Variants in CFAP47 observed in about 807,000 individuals in gnomAD.
The protein encoded by CFAP47 is cilia and flagella associated protein 47, also known as cilia- and flagella-associated protein 47.
In CFAP47, 29 loss-of-function variants were observed where a neutral mutation model predicts 148.1. The ratio of observed to expected loss-of-function variants is 0.20; its 90% CI spans 0.15 to 0.27. CFAP47 has a LOEUF of 0.27. Ranked by LOEUF, CFAP47 falls within the 10% of genes least tolerant of loss-of-function variation. The pLI is 1.00. For synonymous variants in CFAP47, 664 were observed against 577.3 expected (o/e 1.15, Z -2.15); for missense variants, 1,872 against 1,697.5 (o/e 1.10, Z -1.81).
intron 35 of CFAP47, among the ~76,000 whole-genome samples, chrX:36,144,008 G>A (rs986891459): frequency 1.8e-5 from 2 of 111,148 alleles, no homozygotes; most frequent in Non-Finnish European, 3.8e-5. Context: ...TTTCTTATGC[G>A]TGACCCAAAT....
At chrX:36,119,366 T>C (rs1938700143) in intron 33 of CFAP47, among the ~76,000 whole-genome samples, 1 of 112,325 alleles carries the variant, frequency 8.9e-6, no homozygotes, top group African/African-American at 3.2e-5. Context: ...TCACATTTGT[T>C]GATTTGCATA....
At chrX:36,266,232 C>T (rs781950979) in intron 49 of CFAP47, among the ~76,000 whole-genome samples, 21 of 110,496 alleles carry the variant, frequency 1.9e-4, no homozygotes, top group Non-Finnish European at 2.8e-4. Context: ...GTGACAGGCT[C>T]TTCAGCAGGG....
intron 42 of CFAP47, among the ~76,000 whole-genome samples, chrX:36,196,706 T>C (rs1328655372): frequency 9.0e-6 from 1 of 111,577 alleles, no homozygotes; most frequent in African/African-American, 3.3e-5. Flanking sequence ...AAATATCTTC[T>C]GTAAAAGTTT....
At chrX:36,144,800 G>A (rs1438484181) in intron 35 of CFAP47, 2 of 1,023,752 alleles carry the variant, frequency 2.0e-6, no homozygotes, top group Non-Finnish European at 2.6e-6. Flanking sequence ...TTCTGCCCTT[G>A]GACATCTGAT....
At chrX:35,970,631 G>A (rs1404382523) in intron 10 of CFAP47, 137 bp from the exon 11 acceptor site, 1 of 408,387 alleles carries the variant, frequency 2.4e-6, no homozygotes, top group African/African-American at 2.6e-5. Flanking sequence ...TAGCATATGA[G>A]GGGAAGGACT....
At chrX:35,937,106 T>TG (rs1935927402) in intron 2 of CFAP47, among the ~76,000 whole-genome samples, 1 of 58,369 alleles carries the variant, frequency 1.7e-5, no homozygotes, top group Non-Finnish European at 2.9e-5. Context: ...CAATTGCTGT[T>TG]TTTTTTTTTT....
chrX:35,964,483 T>C (rs1936375432), intron 8 of CFAP47, among the ~76,000 whole-genome samples: 1 of 111,611 alleles, frequency 9.0e-6, no homozygotes, highest in Admixed American at 9.6e-5. Context: ...GTTTCTTTGA[T>C]ATGTAGATTG....
chrX:35,934,023 T>G (rs753948979), intron 2 of CFAP47, among the ~76,000 whole-genome samples: 1 of 111,895 alleles, frequency 8.9e-6, no homozygotes, highest in East Asian at 2.8e-4. Flanking sequence ...CTGTGGGTTG[T>G]CTCTTCACTT....
chrX:36,157,152 T>C (rs1400943875), intron 37 of CFAP47, among the ~76,000 whole-genome samples: 1 of 111,804 alleles, frequency 8.9e-6, no homozygotes, highest in Non-Finnish European at 1.9e-5. Flanking sequence ...CACAATAGAC[T>C]CCTAAAAATC....
chrX:36,007,871 G>T (rs180753593), intron 21 of CFAP47, among the ~76,000 whole-genome samples: 16 of 111,303 alleles, frequency 1.4e-4, no homozygotes, highest in Non-Finnish European at 2.1e-4. Flanking sequence ...AGGGAGAAAG[G>T]CTTCATACTT....
chrX:36,021,186 T>C (rs781534415), intron 22 of CFAP47, among the ~76,000 whole-genome samples: 1 of 112,276 alleles, frequency 8.9e-6, no homozygotes, highest in East Asian at 2.8e-4. Flanking sequence ...TATGGTACTA[T>C]GTCTTGAAAA....
chrX:36,274,064 G>A (rs1320900943), intron 49 of CFAP47, among the ~76,000 whole-genome samples: 1 of 111,498 alleles, frequency 9.0e-6, no homozygotes, highest in Non-Finnish European at 1.9e-5. Flanking sequence ...TATTTTTTGT[G>A]ATAGTTAACT....
intron 50 of CFAP47, among the ~76,000 whole-genome samples, chrX:36,283,127 C>A (rs1337171854): frequency 9.0e-6 from 1 of 110,949 alleles, no homozygotes. Flanking sequence ...GAATTTTGTA[C>A]AAATATATTA....
intron 18 of CFAP47, among the ~76,000 whole-genome samples, chrX:35,994,021 G>C (rs1323761832): frequency 9.0e-6 from 1 of 111,338 alleles, no homozygotes; most frequent in African/African-American, 3.3e-5. Flanking sequence ...CCAGCACTTT[G>C]GGAGGCTGAG....
chrX:36,182,125 G>A (rs1468008744), intron 40 of CFAP47, among the ~76,000 whole-genome samples: 2 of 112,207 alleles, frequency 1.8e-5, no homozygotes, highest in Non-Finnish European at 3.8e-5. Flanking sequence ...ACTATCCAGA[G>A]CTCCGACAAT....
intron 48 of CFAP47, among the ~76,000 whole-genome samples, chrX:36,239,939 T>C (rs1428065362): frequency 8.9e-6 from 1 of 111,756 alleles, no homozygotes; most frequent in African/African-American, 3.3e-5. Flanking sequence ...TGTCAAAGGA[T>C]AGAAGATTTA....
chrX:36,101,809 G>C (rs1938381575), intron 32 of CFAP47, among the ~76,000 whole-genome samples: 1 of 111,477 alleles, frequency 9.0e-6, no homozygotes, highest in Admixed American at 9.5e-5. Context: ...AAAATACAGA[G>C]ATTTTTATGG....
At position 36,188,661 on chromosome X, in the gene CFAP47, G is replaced by A. The variant is rs1555986031; in HGVS notation, c.6146G>A (p.Cys2049Tyr). The A allele has an allele frequency of 3.4e-6, 1 of 295,765 alleles. No individual in the cohort carries two copies. Among genetic ancestry groups the A allele is most frequent in the Non-Finnish European group, 5.9e-6 (1 of 169,902 alleles). 24.4% of individuals were successfully genotyped at this position (295,765 alleles called of 1,213,427 possible). ...AGTGGGAGTGACACTGATCAGGGCT[G>A]TTCCGATTCCCCAAATGTCTTACAT... ...SSSGSDTDQGCSDSPNVLHTS... is the reference protein window; with the variant it reads ...SSSGSDTDQGYSDSPNVLHTS... Residue 2049 changes from cysteine (C) to tyrosine (Y), a missense_variant, in exon 41 of 64, where the codon TGT becomes TAT. By Grantham distance (194) the Cys-to-Tyr change is radical (BLOSUM62 -2). Transcript: ENST00000378653.
In CFAP47 at chrX:36,061,245, G is replaced by T. The variant is rs184039261; in HGVS notation, c.4218-4398G>T. ...CTGTAAGTTTCTTGAGGCCTCCCCA[G>T]GCATGCCCTCCTGTACAGCGTGCAG... On this transcript the variant is annotated intron_variant, in intron 26 of 63. Coordinates refer to ENST00000378653, the MANE Select transcript of CFAP47 (RefSeq NM_001304548.2). Among the ~76,000 whole-genome samples, 142 of 111,622 alleles carry T rather than the reference G, an allele frequency of 1.3e-3. 2 individuals carry two copies. Among genetic ancestry groups the T allele is most frequent in the Non-Finnish European group, 2.1e-3 (109 of 53,110 alleles).
Sources: gnomAD v4.1 joint callset for allele counts (sites outside exome capture counted in the v4.1 genomes callset) on GRCh38, gnomAD v4.1.1 for gene constraint, MANE v1.5 for transcripts, NCBI Gene and HGNC (gene_info 2026-07-23, HGNC 2026-07-21) for gene names.